The following DPYD variants were observed in gnomAD, a reference collection of about 807,000 sequenced individuals.
The protein encoded by DPYD is dihydropyrimidine dehydrogenase.
A neutral mutation model predicts 116.2 loss-of-function variants in DPYD; 109 were observed. That is an observed-to-expected ratio of 0.94 (90% confidence interval 0.80 to 1.10). The LOEUF is 1.10. Ranked by LOEUF, DPYD falls within the 50% of genes least tolerant of loss-of-function variation. The pLI is 0.00. For missense variants in DPYD, 1,302 were observed against 1,254.5 expected (o/e 1.04, Z -0.57); for synonymous variants, 440 against 432.0 (o/e 1.02, Z -0.23).
Position 97,498,185 on chromosome 1 carries a change from T to TA in DPYD, c.1740+17540dup, listed in dbSNP as rs1259370896. ...GATGTGGGGAATGGGGAGTAACTGC[T>TA]AATGGGTATGGAGTTTCTTTCTTAG... is the stretch of plus-strand genomic sequence containing the variant. On this transcript the variant is annotated intron_variant, in intron 13 of 22. Transcript: ENST00000370192. Among the ~76,000 whole-genome samples, 4 of 151,700 alleles carry TA rather than the reference T, an allele frequency of 2.6e-5. No individual in the cohort carries two copies. The East Asian group carries it at 7.8e-4, about 29-fold the overall frequency.
chr1:97,184,918 T>C (rs1657891578), intron 20 of DPYD, among the ~76,000 whole-genome samples: 1 of 152,166 alleles, frequency 6.6e-6, no homozygotes, highest in African/African-American at 2.4e-5. Context: ...TCCAGTACAA[T>C]ATTGAATAGA....
At position 97,679,004 on chromosome 1, in the gene DPYD, G is replaced by A. The variant is rs138924556; in HGVS notation, c.850+91C>T. The stretch of plus-strand genomic sequence containing the variant: ...CCTGAACAAATATAACTTTCATCAC[G>A]AAAATGTCTGAAGGCAGTCATTCTT... On this transcript the variant is annotated intron_variant, in intron 8 of 22. Coordinates refer to ENST00000370192, the MANE Select transcript of DPYD (RefSeq NM_000110.4). 341 of 571,268 alleles carry A rather than the reference G, an allele frequency of 6.0e-4. 5 individuals are homozygous for A. In the East Asian group the frequency reaches 8.6e-3, roughly 14 times the overall value. 35.4% of individuals were successfully genotyped at this position (571,268 alleles called of 1,614,324 possible).
At chr1:97,908,837 C>T (rs1484086315) in intron 1 of DPYD, among the ~76,000 whole-genome samples, 1 of 152,082 alleles carries the variant, frequency 6.6e-6, no homozygotes, top group Non-Finnish European at 1.5e-5. Flanking sequence ...CTCAGATCAG[C>T]TTCCATGATA....
chr1:97,269,809 C>T lies in DPYD; in HGVS notation c.2300-34815G>A, dbSNP rs570030223. On this transcript the variant is annotated intron_variant, in intron 18 of 22. Coordinates refer to ENST00000370192, the MANE Select transcript of DPYD (RefSeq NM_000110.4). Reference sequence around the variant, plus strand: ...CAGCACCTCTTCACAGGCTTTATCTCCAAATACAGTCACATTGGAGGTTAG... The same window carrying T: ...CAGCACCTCTTCACAGGCTTTATCTTCAAATACAGTCACATTGGAGGTTAG... 9.5e-4 allele frequency among the ~76,000 whole-genome samples: 145 copies of T among 152,256 alleles called. No individual in the cohort carries two copies. In the East Asian group the frequency reaches 9.8e-3, roughly 10 times the overall value.
At chr1:97,827,297 T>C (rs930156070) in intron 3 of DPYD, among the ~76,000 whole-genome samples, 1 of 152,096 alleles carries the variant, frequency 6.6e-6, no homozygotes, top group Non-Finnish European at 1.5e-5. Flanking sequence ...TTTAATTTTA[T>C]AGGCTAAATA....
chr1:97,323,540 CAT>C (rs1185302558), intron 16 of DPYD, among the ~76,000 whole-genome samples: 8 of 110,620 alleles, frequency 7.2e-5, no homozygotes, highest in South Asian at 3.0e-4. Context: ...ATATACATAT[CAT>C]ATATATACAT....
intron 12 of DPYD, among the ~76,000 whole-genome samples, chr1:97,522,497 T>C (rs528415819): frequency 7.9e-5 from 12 of 152,030 alleles, no homozygotes; most frequent in African/African-American, 2.2e-4. Flanking sequence ...CTGAGGTGCG[T>C]GGATCATGAG....
chr1:97,378,401 A>T (rs56000287), intron 15 of DPYD, among the ~76,000 whole-genome samples: 33,205 of 152,126 alleles, frequency 0.22, 3,797 homozygotes, highest in South Asian at 0.38. Context: ...AGGTAAAGAA[A>T]CTGATAGGAA....
intron 19 of DPYD, among the ~76,000 whole-genome samples, chr1:97,212,601 C>T (rs930296247): frequency 2.6e-5 from 4 of 151,878 alleles, no homozygotes; most frequent in South Asian, 2.1e-4. Context: ...GTGGAATTTC[C>T]GGATTGTATG....
Position 97,226,172 on chromosome 1 carries a change from C to T in DPYD, c.2442+8680G>A, listed in dbSNP as rs182929361. Among the ~76,000 whole-genome samples, 10 of 152,166 alleles carry T rather than the reference C, an allele frequency of 6.6e-5. No homozygotes were observed. The East Asian group carries it at 1.9e-3, about 29-fold the overall frequency. On this transcript the variant is annotated intron_variant, in intron 19 of 22. Transcript: ENST00000370192. ...ATCTTAATAGATGCAGAAAAATCATCCGACAAAATTGAACATCTTTCTTAA... is the reference window on the plus strand; with the variant it reads ...ATCTTAATAGATGCAGAAAAATCATTCGACAAAATTGAACATCTTTCTTAA...
At chr1:97,788,232 TC>T (rs929180065) in intron 3 of DPYD, among the ~76,000 whole-genome samples, 6 of 152,154 alleles carry the variant, frequency 3.9e-5, no homozygotes, top group Admixed American at 3.3e-4. Context: ...CTTTGTGAGT[TC>T]CAATGACCTA....
chr1:97,309,831 A>ATAAT (rs915874517), intron 16 of DPYD, among the ~76,000 whole-genome samples: 5 of 151,822 alleles, frequency 3.3e-5, no homozygotes, highest in African/African-American at 1.2e-4. Context: ...ACACAAGATA[A>ATAAT]TAATTTTTAA....
chr1:97,128,442 G>A (rs1196665421), intron 20 of DPYD, among the ~76,000 whole-genome samples: 3 of 151,988 alleles, frequency 2.0e-5, no homozygotes, highest in Admixed American at 6.6e-5. Flanking sequence ...AGAGTTATCC[G>A]TGCCTAATAT....
At chr1:97,285,979 A>G (rs1319603274) in intron 18 of DPYD, among the ~76,000 whole-genome samples, 1 of 152,094 alleles carries the variant, frequency 6.6e-6, no homozygotes, top group Non-Finnish European at 1.5e-5. Flanking sequence ...TTAGCTGGTT[A>G]TTTTGCTCAT....
rs116627820 is a variant in DPYD, at chr1:97,492,704, C to T, written c.1740+23022G>A. Among the ~76,000 whole-genome samples the T allele has an allele frequency of 7.3e-3, 1,106 of 152,204 alleles. 16 individuals carry two copies. Among genetic ancestry groups the T allele is most frequent in the African/African-American group, 0.026 (1,062 of 41,542 alleles). ...AAGTTCAAGCAGCAATGATCTGCTA[C>T]TTACAATCCTGAAGATAATAAACAT... On this transcript the variant is annotated intron_variant, in intron 13 of 22. Coordinates refer to ENST00000370192, the MANE Select transcript of DPYD (RefSeq NM_000110.4).
In DPYD at chr1:97,593,275, G is replaced by A; in HGVS notation, c.1071C>T (p.Arg357=). The A allele has an allele frequency of 6.2e-7, 1 of 1,614,074 alleles. No individual in the cohort carries two copies. The highest frequency in any genetic ancestry group is 8.5e-7 in the Non-Finnish European group (1 of 1,180,002). The change falls in exon 10 of 23, where the codon CGC becomes CGT. Residue 357 remains arginine (R), a synonymous_variant. Coordinates refer to ENST00000370192, the MANE Select transcript of DPYD (RefSeq NM_000110.4). Reference sequence around the variant, plus strand: ...CTTTTCTGAAGACGATGAACACACGGCGAGCTCCACAACGTAGAGCAGATG... The same window carrying A: ...CTTTTCTGAAGACGATGAACACACGACGAGCTCCACAACGTAGAGCAGATG... ...CATSALRCGA[R]RVFIVFRKGF...
chr1:97,831,821 C>T (rs1571433749), intron 2 of DPYD, among the ~76,000 whole-genome samples: 1 of 151,800 alleles, frequency 6.6e-6, no homozygotes, highest in African/African-American at 2.4e-5. Flanking sequence ...TAATAAAATA[C>T]TGGAACAAAA....
intron 18 of DPYD, among the ~76,000 whole-genome samples, chr1:97,274,115 AT>A (rs1175114883): frequency 2.6e-5 from 4 of 152,208 alleles, no homozygotes; most frequent in Admixed American, 2.6e-4. Context: ...ATTTTAAAGA[AT>A]AAAAACGAGA....
intron 16 of DPYD, among the ~76,000 whole-genome samples, chr1:97,359,404 A>G (rs1670597333): frequency 6.6e-6 from 1 of 152,170 alleles, no homozygotes; most frequent in Non-Finnish European, 1.5e-5. Context: ...TTTCCAGGAG[A>G]ATTTCCCCAA....
Sources: allele counts gnomAD v4.1 joint callset (sites outside exome capture counted in the v4.1 genomes callset), GRCh38; gene constraint gnomAD v4.1.1; transcripts MANE v1.5; gene names NCBI Gene and HGNC (gene_info 2026-07-23, HGNC 2026-07-21).